The following GRIK1 variants were observed in gnomAD, a reference collection of about 807,000 sequenced individuals.
GRIK1 encodes glutamate ionotropic receptor kainate type subunit 1.
GRIK1 carries 69 observed loss-of-function variants against 105.7 expected under a neutral mutation model. That is an observed-to-expected ratio of 0.65 (90% CI 0.54 to 0.80). GRIK1 has a LOEUF of 0.80. Ranked by LOEUF, GRIK1 falls within the 30% of genes least tolerant of loss-of-function variation. The pLI, the probability that GRIK1 is intolerant of heterozygous loss-of-function variation, is 0.00. For synonymous variants in GRIK1, 438 were observed against 431.3 expected (o/e 1.02, Z -0.19); for missense variants, 1,109 against 1,167.3 (o/e 0.95, Z 0.73).
intron 1 of GRIK1, among the ~76,000 whole-genome samples, chr21:29,785,159 G>A (rs1026408423): frequency 2.6e-5 from 4 of 152,106 alleles, no homozygotes; most frequent in Admixed American, 2.6e-4. Context: ...CAAAAAATCA[G>A]AAGTATCACC....
At chr21:29,598,734 T>A in intron 8 of GRIK1, 96 bp downstream of exon 8, 1 of 583,508 alleles carries the variant, frequency 1.7e-6, no homozygotes, top group Non-Finnish European at 3.0e-6. Flanking sequence ...GCTTAGAGAA[T>A]CACTTCATCA....
chr21:29,866,607 G>T (rs981766943), intron 1 of GRIK1, among the ~76,000 whole-genome samples: 2 of 152,080 alleles, frequency 1.3e-5, no homozygotes, highest in Non-Finnish European at 2.9e-5. Flanking sequence ...GGGACTTTTG[G>T]ATCTAAAATT....
chr21:29,690,023 G>A (rs758579683), intron 2 of GRIK1, 38 bp from the exon 3 acceptor site: 1 of 1,251,540 alleles, frequency 8.0e-7, no homozygotes. Flanking sequence ...GGGAGGGAGG[G>A]CAGGGAAAGG....
intron 15 of GRIK1, among the ~76,000 whole-genome samples, chr21:29,558,633 A>C (rs972329406): frequency 5.9e-5 from 9 of 151,464 alleles, no homozygotes; most frequent in Non-Finnish European, 8.8e-5. Flanking sequence ...AGGCTTTTCA[A>C]CTTTGGAACT....
chr21:29,813,923 T>C (rs1308436700), intron 1 of GRIK1, among the ~76,000 whole-genome samples: 1 of 149,630 alleles, frequency 6.7e-6, no homozygotes, highest in Admixed American at 6.7e-5. Context: ...CTTTTTTTTT[T>C]TTTTTTTTGA....
At chr21:29,636,563 C>T (rs930679703) in intron 7 of GRIK1, among the ~76,000 whole-genome samples, 2 of 152,266 alleles carry the variant, frequency 1.3e-5, no homozygotes, top group South Asian at 4.1e-4. Context: ...GCAGAATCAC[C>T]AAGTGGAAAT....
rs16984526 is a variant in GRIK1, at chr21:29,617,236, T to G, written c.1099-18299A>C. On this transcript the variant is annotated intron_variant, in intron 7 of 17. Transcript: ENST00000327783. ...GGGAGCAATCGAAGAGTTGCTGCCT[T>G]TTGGTGCAGAGAATGCAGCAAGTGA... Among the ~76,000 whole-genome samples, 461 of 152,316 alleles carry G rather than the reference T, an allele frequency of 3.0e-3. 5 individuals carry two copies. The highest frequency in any genetic ancestry group is 0.01 in the African/African-American group (435 of 41,578).
chr21:29,801,955 G>T (rs2066724162), intron 1 of GRIK1, among the ~76,000 whole-genome samples: 1 of 152,032 alleles, frequency 6.6e-6, no homozygotes, highest in Non-Finnish European at 1.5e-5. Context: ...CAGCAAAAAA[G>T]AAGCTGGGAG....
Position 29,588,841 on chromosome 21 carries a change from G to T in GRIK1, c.1567C>A (p.His523Asn). The T allele has an allele frequency of 2.0e-6, 3 of 1,516,134 alleles. No homozygotes were observed. Among genetic ancestry groups the T allele is most frequent in the Non-Finnish European group, 2.7e-6 (3 of 1,091,768 alleles). 93.9% of individuals were successfully genotyped at this position (1,516,134 alleles called of 1,614,324 possible). A position where few individuals can be genotyped will look rare whatever the true frequency, so the allele number is the denominator to read the frequency against. ...WNGMVKELIDHRADLAVAPLT... is the reference protein window; with the variant it reads ...WNGMVKELIDNRADLAVAPLT... The stretch of plus-strand genomic sequence containing the variant: ...ATGTTAGAAATATTGTTACTTACGT[G>T]ATCTATGAGTTCTTTAACCATCCCG... The change falls in exon 11 of 18, where the codon CAC (histidine) becomes AAC (asparagine). Residue 523 changes from histidine (H) to asparagine (N), a missense_variant and splice_region_variant. His to Asn is a moderately conservative substitution (Grantham distance 68). Transcript: ENST00000327783.
rs150376604 is a variant in GRIK1, at chr21:29,673,144, G to A, written c.565C>T (p.Leu189Phe). 1 of 1,610,300 alleles carries A rather than the reference G, an allele frequency of 6.2e-7. No individual in the cohort carries two copies. Among genetic ancestry groups the A allele is most frequent in the East Asian group, 2.2e-5 (1 of 44,860 alleles). Residue 189 changes from leucine (L) to phenylalanine (F), a missense_variant, in exon 4 of 18, where the codon CTC (leucine) becomes TTC (phenylalanine). By Grantham distance (22) the Leu-to-Phe change is conservative. Coordinates refer to ENST00000327783, the MANE Select transcript of GRIK1 (RefSeq NM_001330994.2). Reference sequence around the variant, plus strand: ...TTATATCTGGAGGGAGCTTTGATGAGCTCTTGTAGACGAATTAGACCTAGA... The same window carrying A: ...TTATATCTGGAGGGAGCTTTGATGAACTCTTGTAGACGAATTAGACCTAGA... ...DSTGLIRLQE[L>F]IKAPSRYNIK...
intron 1 of GRIK1, among the ~76,000 whole-genome samples, chr21:29,918,949 G>C (rs1291252416): frequency 6.6e-6 from 1 of 151,884 alleles, no homozygotes; most frequent in Non-Finnish European, 1.5e-5. Context: ...GGTGATAAGT[G>C]TACAACAGGC....
chr21:29,928,072 A>T (rs1001379370), intron 1 of GRIK1, among the ~76,000 whole-genome samples: 2 of 152,138 alleles, frequency 1.3e-5, no homozygotes, highest in African/African-American at 4.8e-5. Flanking sequence ...GTCTTGGGCC[A>T]TACATAAAAT....
rs1264758991 is a variant in GRIK1, at chr21:29,704,663, T to C, written c.119-10600A>G. ...CCAAGAGAGAGGCCTTTGAGATACG[T>C]AGGAAAGATGGAGGGTGGTTATTGA... is the stretch of plus-strand genomic sequence containing the variant. On this transcript the variant is annotated intron_variant, in intron 1 of 17. Coordinates refer to ENST00000327783, the MANE Select transcript of GRIK1 (RefSeq NM_001330994.2). Among the ~76,000 whole-genome samples the C allele has an allele frequency of 2.0e-5, 3 of 152,206 alleles. No individual in the cohort carries two copies. The East Asian group carries it at 5.8e-4, about 29-fold the overall frequency.
At chr21:29,589,778 C>T (rs1328560486) in intron 10 of GRIK1, among the ~76,000 whole-genome samples, 29 of 152,084 alleles carry the variant, frequency 1.9e-4, no homozygotes, top group Admixed American at 1.9e-3. Flanking sequence ...CAACTATTTC[C>T]TTTCATTCTT....
chr21:29,625,831 C>T (rs1335721529), intron 7 of GRIK1, among the ~76,000 whole-genome samples: 2 of 152,044 alleles, frequency 1.3e-5, no homozygotes, highest in Non-Finnish European at 2.9e-5. Context: ...TCAGAGTCAT[C>T]CTAGTGAATG....
chr21:29,902,137 G>A (rs930571639), intron 1 of GRIK1, among the ~76,000 whole-genome samples: 7 of 152,176 alleles, frequency 4.6e-5, no homozygotes, highest in African/African-American at 1.7e-4. Flanking sequence ...GGTGTTGGTG[G>A]AATGTATCTC....
rs1601095619 is a variant in GRIK1, at chr21:29,555,169, C to T, written c.2490G>A (p.Leu830=). Residue 830 remains leucine (L), a synonymous_variant, in exon 16 of 18, where the codon CTG becomes CTA. Transcript: ENST00000327783. ...PEEDNKEASA[L]GVENIGGIFI... ...AGATGCCTCCAATATTTTCCACTCC[C>T]AGGGCACTGGCTTCTTTGTTGTCTT... The T allele has an allele frequency of 6.2e-7, 1 of 1,614,014 alleles. No homozygotes were observed. The highest frequency in any genetic ancestry group is 1.3e-5 in the African/African-American group (1 of 75,034).
chr21:29,605,987 T>C (rs974351636), intron 7 of GRIK1, among the ~76,000 whole-genome samples: 5 of 148,174 alleles, frequency 3.4e-5, no homozygotes, highest in African/African-American at 1.0e-4. Context: ...TTCTATTTTT[T>C]AATAAAACTT....
chr21:29,857,656 T>C (rs779431386), intron 1 of GRIK1, among the ~76,000 whole-genome samples: 1 of 152,182 alleles, frequency 6.6e-6, no homozygotes, highest in Non-Finnish European at 1.5e-5. Context: ...ACCCTTTACA[T>C]GGAAAACTTA....
Sources: allele counts gnomAD v4.1 joint callset (sites outside exome capture counted in the v4.1 genomes callset), GRCh38; gene constraint gnomAD v4.1.1; transcripts MANE v1.5; gene names NCBI Gene and HGNC (gene_info 2026-07-23, HGNC 2026-07-21).